The following CHAF1A variants were observed in gnomAD, a reference collection of about 807,000 sequenced individuals.
CHAF1A encodes the protein chromatin assembly factor 1 subunit A.
Under a neutral mutation model 93.2 loss-of-function variants are expected in CHAF1A, and 5 were observed. That is an observed-to-expected ratio of 0.05 (90% confidence interval 0.03 to 0.11). The LOEUF (loss-of-function observed/expected upper bound fraction) is 0.11, where lower values mean the gene tolerates loss of function less well. CHAF1A is among the 10% of genes least tolerant of loss of function. The pLI is 1.00. For missense variants in CHAF1A, 1,102 were observed against 1,259.9 expected (o/e 0.87, Z 1.90); for synonymous variants, 504 against 510.3 (o/e 0.99, Z 0.17).
downstream of CHAF1A, chr19:4,447,075 A>C: frequency 3.0e-6 from 2 of 671,014 alleles, no homozygotes; most frequent in Non-Finnish European, 2.5e-6. Context: ...CTGGATGCAA[A>C]CCTGCTTTTC....
At chr19:4,424,834 C>T (rs1285470674) in intron 7 of CHAF1A, among the ~76,000 whole-genome samples, 2 of 152,186 alleles carry the variant, frequency 1.3e-5, no homozygotes, top group South Asian at 2.1e-4. Flanking sequence ...GGGGTTTTAC[C>T]ATGTTGGCTA....
At chr19:4,412,547 G>GA (rs959032977) in intron 3 of CHAF1A, among the ~76,000 whole-genome samples, 71 of 143,700 alleles carry the variant, frequency 4.9e-4, no homozygotes, top group East Asian at 8.1e-4. Flanking sequence ...TCCGTCTCAA[G>GA]AAAAAAAAAA....
Position 4,432,056 on chromosome 19 carries a change from G to A in CHAF1A, c.2052G>A (p.Val684=). The A allele has an allele frequency of 6.2e-7, 1 of 1,614,158 alleles. No individual in the cohort carries two copies. Among genetic ancestry groups the A allele is most frequent in the Non-Finnish European group, 8.5e-7 (1 of 1,180,024 alleles). ...KGKRFRVLQP[V]KIGCVWAADR... is the part of the protein sequence containing the mutation. ...AGCGCTTTCGCGTCCTGCAACCTGT[G>A]AAGATCGGCTGCGTGTGGGCGGCTG... Residue 684 remains valine (V), a synonymous_variant, in exon 12 of 15, where the codon GTG becomes GTA. Transcript: ENST00000301280.
intron 1 of CHAF1A, among the ~76,000 whole-genome samples, chr19:4,403,459 C>T (rs1973624391): frequency 1.3e-5 from 2 of 152,246 alleles, no homozygotes; most frequent in Non-Finnish European, 2.9e-5. Flanking sequence ...CTGGACTCTG[C>T]ATTACATAAC....
At chr19:4,410,315 G>C (rs1175926880) in intron 3 of CHAF1A, among the ~76,000 whole-genome samples, 1 of 151,882 alleles carries the variant, frequency 6.6e-6, no homozygotes, top group African/African-American at 2.4e-5. Context: ...GGCCGAGGTG[G>C]GAGGATCGCT....
downstream of CHAF1A, chr19:4,447,227 T>G (rs1166867827): frequency 1.8e-6 from 1 of 570,374 alleles, no homozygotes. Context: ...TCCCTGCCCT[T>G]TCCCCCAGAA....
At chr19:4,406,236 T>C (rs1258701524) in intron 2 of CHAF1A, among the ~76,000 whole-genome samples, 10 of 152,210 alleles carry the variant, frequency 6.6e-5, no homozygotes, top group Non-Finnish European at 5.9e-5. Flanking sequence ...CCCTGGCCTC[T>C]TCCCACCGGA....
At chr19:4,447,947 G>A (rs1568189951), downstream of CHAF1A, 1 of 495,432 alleles carries the variant, frequency 2.0e-6, no homozygotes, top group African/African-American at 1.9e-5. Flanking sequence ...GGGCCGCAGT[G>A]CCAGCAGGGG....
chr19:4,435,847 G>C lies in CHAF1A; in HGVS notation c.2673+2308G>C, dbSNP rs1427911365. 3.9e-5 allele frequency among the ~76,000 whole-genome samples: 6 copies of C among 152,168 alleles called. No individual in the cohort carries two copies. In the East Asian group the frequency reaches 9.7e-4, roughly 24 times the overall value. ...TTGCATCCTCTTCTCTGATGTTAAAGGTGGTCGTTGGCTGGGCACAGTGGC... is the reference window on the plus strand; with the variant it reads ...TTGCATCCTCTTCTCTGATGTTAAACGTGGTCGTTGGCTGGGCACAGTGGC... On this transcript the variant is annotated intron_variant, in intron 13 of 14. Transcript: ENST00000301280.
At chr19:4,446,404 C>T (rs762693408), downstream of CHAF1A, 133 of 1,577,464 alleles carry the variant, frequency 8.4e-5, 1 homozygote, top group South Asian at 9.8e-4. Flanking sequence ...GCCGCTCCAC[C>T]GCCTCGGACC....
At chr19:4,423,717 C>T (rs757039764) in intron 6 of CHAF1A, 89 bp from the exon 7 acceptor site, 109 of 1,294,792 alleles carry the variant, frequency 8.4e-5, no homozygotes, top group Admixed American at 3.9e-4. Context: ...AAATGCTTGA[C>T]GTTCGGTTCT....
chr19:4,441,022 C>G (rs1974377823), intron 13 of CHAF1A, among the ~76,000 whole-genome samples: 1 of 145,886 alleles, frequency 6.9e-6, no homozygotes, highest in Non-Finnish European at 1.5e-5. Context: ...AAAGGCACAG[C>G]AAAAATATCG....
chr19:4,431,267 T>C lies in CHAF1A; in HGVS notation c.1947+626T>C, dbSNP rs145855460. On this transcript the variant is annotated intron_variant, in intron 11 of 14. Transcript: ENST00000301280. ...CCTCGGCCTCCCAAGTAGCTGGGAC[T>C]ACAGGCGTGTGCCACCACACCTGGC... 1.5e-3 allele frequency among the ~76,000 whole-genome samples: 235 copies of C among 152,170 alleles called. 2 individuals carry two copies. In the East Asian group the frequency reaches 0.027, roughly 18 times the overall value.
Position 4,442,318 on chromosome 19 carries a change from T to C in CHAF1A, c.2747T>C (p.Ile916Thr). 1 of 1,606,772 alleles carries C rather than the reference T, an allele frequency of 6.2e-7. No individual in the cohort carries two copies. ...EEEEEEGDCM[I>T]VDVPDAAEVQ... ...GAAGAGGAGGAGGGCGACTGTATGA[T>C]CGTGGATGTCCCGGATGCTGCGGGT... is the stretch of plus-strand genomic sequence containing the variant. The change falls in exon 14 of 15, where the codon ATC (isoleucine) becomes ACC (threonine). Residue 916 changes from isoleucine (I) to threonine (T), a missense_variant. Coordinates refer to ENST00000301280, the MANE Select transcript of CHAF1A (RefSeq NM_005483.3).
chr19:4,445,983 T>C (rs775189130), downstream of CHAF1A: 10 of 1,531,412 alleles, frequency 6.5e-6, no homozygotes, highest in Non-Finnish European at 7.9e-6. Flanking sequence ...TGGGGGTGTC[T>C]GTGCCGGTCC....
At chr19:4,413,881 C>G (rs1170673445) in intron 3 of CHAF1A, among the ~76,000 whole-genome samples, 1 of 152,118 alleles carries the variant, frequency 6.6e-6, no homozygotes, top group South Asian at 2.1e-4. Context: ...TGAAGTGTTC[C>G]TTTTTAGTAT....
rs559788543 is a variant in CHAF1A, at chr19:4,409,705, C to T, written c.906C>T (p.Pro302=). 6.2e-7 allele frequency: 1 copy of T among 1,614,122 alleles called. No individual in the cohort carries two copies. ...STSSPEGPPA[P]PKQHSSTSPF... Reference sequence around the variant, plus strand: ...GCTCGCCCGAGGGGCCGCCTGCTCCCCCAAAGCAGCACAGCAGTACCAGTC... The same window carrying T: ...GCTCGCCCGAGGGGCCGCCTGCTCCTCCAAAGCAGCACAGCAGTACCAGTC... The change falls in exon 3 of 15, where the codon CCC becomes CCT. Residue 302 remains proline (P), a synonymous_variant. Transcript: ENST00000301280.
At chr19:4,449,651 G>A (rs1374354793), downstream of CHAF1A, 1 of 152,300 alleles carries the variant, frequency 6.6e-6, no homozygotes, top group African/African-American at 2.4e-5. Flanking sequence ...CTGGCTGCCA[G>A]GCTTAGGTCA....
At chr19:4,440,490 T>G (rs1024297112) in intron 13 of CHAF1A, among the ~76,000 whole-genome samples, 1 of 150,912 alleles carries the variant, frequency 6.6e-6, no homozygotes, top group African/African-American at 2.4e-5. Flanking sequence ...GTGCCTGTAG[T>G]CCCATCTTCT....
Sources: gnomAD v4.1 joint callset for allele counts (sites outside exome capture counted in the v4.1 genomes callset) on GRCh38, gnomAD v4.1.1 for gene constraint, MANE v1.5 for transcripts, NCBI Gene and HGNC (gene_info 2026-07-23, HGNC 2026-07-21) for gene names.